NTRK3: variants seen among roughly 807,000 people sequenced by gnomAD.
NTRK3 encodes the protein neurotrophic receptor tyrosine kinase 3, also known as NT-3 growth factor receptor.
NTRK3 carries 24 observed loss-of-function variants against 91.7 expected under a neutral mutation model. The observed-to-expected ratio is 0.26, with a 90% CI of 0.19 to 0.37. NTRK3 has a LOEUF of 0.37. Among genes scored for constraint, NTRK3 ranks in the 10% least tolerant of loss-of-function variants. NTRK3 has a pLI of 1.00. For missense variants in NTRK3, 880 were observed against 1,068.9 expected, an observed-to-expected ratio of 0.82 and a Z score of 2.46; for synonymous variants, 483 against 404.0, an observed-to-expected ratio of 1.20 and a Z score of -2.34.
chr15:87,878,814 G>A (rs1041593035), intron 18 of NTRK3, among the ~76,000 whole-genome samples: 1 of 152,108 alleles, frequency 6.6e-6, no homozygotes, highest in African/African-American at 2.4e-5. Flanking sequence ...CAGATGCTGA[G>A]TCTTCTGTTA....
At chr15:87,906,715 G>A (rs1379313538) in intron 17 of NTRK3, among the ~76,000 whole-genome samples, 1 of 152,004 alleles carries the variant, frequency 6.6e-6, no homozygotes, top group African/African-American at 2.4e-5. Context: ...TAAGCAATGC[G>A]ATTGCTTTGA....
intron 13 of NTRK3, among the ~76,000 whole-genome samples, chr15:88,116,424 A>G (rs2052076079): frequency 6.9e-6 from 1 of 145,212 alleles, no homozygotes; most frequent in Non-Finnish European, 1.5e-5. Context: ...GTATCTACTA[A>G]AAGTACAAAA....
intron 16 of NTRK3, among the ~76,000 whole-genome samples, chr15:87,930,669 C>T (rs113925011): frequency 1.6e-4 from 25 of 152,216 alleles, no homozygotes; most frequent in East Asian, 7.7e-4. Flanking sequence ...TGAGAACAGC[C>T]GACAGGATGC....
chr15:88,005,296 G>A lies in NTRK3; in HGVS notation c.1585+27561C>T, dbSNP rs143183820. Among the ~76,000 whole-genome samples the A allele has an allele frequency of 2.6e-5, 4 of 152,252 alleles. No individual in the cohort carries two copies. The East Asian group carries it at 7.7e-4, about 29-fold the overall frequency. On this transcript the variant is annotated intron_variant, in intron 14 of 18. Coordinates refer to ENST00000394480, the Ensembl canonical transcript of NTRK3. The stretch of plus-strand genomic sequence containing the variant: ...GACCCCCAGTTCATTCAGGACTTCT[G>A]ATGGCCCCAGAGAAGTCCATGGAGT...
At chr15:87,921,719 G>T (rs1463845414) in intron 17 of NTRK3, among the ~76,000 whole-genome samples, 1 of 152,044 alleles carries the variant, frequency 6.6e-6, no homozygotes, top group Non-Finnish European at 1.5e-5. Context: ...TGCGCATGGG[G>T]CCACAACCCC....
At chr15:88,183,831 G>A (rs1348074851) in intron 4 of NTRK3, among the ~76,000 whole-genome samples, 3 of 152,128 alleles carry the variant, frequency 2.0e-5, no homozygotes, top group Non-Finnish European at 1.5e-5. Flanking sequence ...CCCACTCCAG[G>A]TCCCCACAGT....
chr15:87,910,525 C>A (rs755311218), intron 17 of NTRK3, among the ~76,000 whole-genome samples: 1 of 152,182 alleles, frequency 6.6e-6, no homozygotes, highest in African/African-American at 2.4e-5. Flanking sequence ...CCAGTGAACT[C>A]TCCAGGGGAG....
rs201471039 is a variant in NTRK3, at chr15:87,979,342, T to C, written c.1586-38589A>G. 312 of 1,601,568 alleles carry C rather than the reference T, an allele frequency of 1.9e-4. 1 individual carries two copies. Among genetic ancestry groups the C allele is most frequent in the Non-Finnish European group, 2.6e-4 (302 of 1,170,682 alleles). On this transcript the variant is annotated intron_variant, in intron 14 of 18. Transcript: ENST00000394480. ...TCAAAACAAGGAGGCTTAAAAGGAG[T>C]TTTTAAAAGCCATGACGTCCTTTGC...
intron 5 of NTRK3, among the ~76,000 whole-genome samples, chr15:88,166,609 T>C (rs1000156688): frequency 6.6e-6 from 1 of 152,142 alleles, no homozygotes; most frequent in Non-Finnish European, 1.5e-5. Context: ...TAAGCAAAAA[T>C]GGTAGTATCA....
At chr15:88,223,704 C>T (rs753467635) in intron 3 of NTRK3, among the ~76,000 whole-genome samples, 7 of 152,274 alleles carry the variant, frequency 4.6e-5, no homozygotes, top group African/African-American at 1.7e-4. Context: ...ATAATAATAC[C>T]GTCTACCTCC....
chr15:88,167,436 G>C (rs1567567842), intron 5 of NTRK3, among the ~76,000 whole-genome samples: 1 of 152,142 alleles, frequency 6.6e-6, no homozygotes, highest in Non-Finnish European at 1.5e-5. Flanking sequence ...CTGAGACCTG[G>C]GTCCCGGCTC....
At chr15:87,929,150 A>G (rs2141907610) in intron 17 of NTRK3, 41 bp downstream of exon 17, 1 of 1,614,088 alleles carries the variant, frequency 6.2e-7, no homozygotes, top group South Asian at 1.1e-5. Context: ...GCAAGGCGCT[A>G]GCTCTGTGGC....
chr15:88,048,777 G>T (rs952343736), intron 13 of NTRK3, among the ~76,000 whole-genome samples: 2 of 152,170 alleles, frequency 1.3e-5, no homozygotes, highest in South Asian at 4.1e-4. Context: ...TCTTGTAAAA[G>T]TCAAACCATC....
rs558469039 is a variant in NTRK3 at position 88,220,011 on chromosome 15, G to T, written c.249-35712C>A. On this transcript the variant is annotated intron_variant, in intron 3 of 18. Transcript: ENST00000394480. ...CAAAGATGCAGCTATCGACTGCCAG[G>T]AGAGAGAGCTTCAAATGCCCAGAGA... 2.1e-3 allele frequency among the ~76,000 whole-genome samples: 313 copies of T among 152,274 alleles called. 2 individuals are homozygous for T. Among genetic ancestry groups the T allele is most frequent in the Non-Finnish European group, 3.6e-3 (248 of 68,028 alleles).
At chr15:87,984,037 C>T (rs1354602369) in intron 14 of NTRK3, among the ~76,000 whole-genome samples, 1 of 152,078 alleles carries the variant, frequency 6.6e-6, no homozygotes, top group Non-Finnish European at 1.5e-5. Context: ...GGTCACGGAC[C>T]CCTTCATTTT....
chr15:88,005,218 TAA>T (rs1235650979), intron 14 of NTRK3, among the ~76,000 whole-genome samples: 1 of 152,176 alleles, frequency 6.6e-6, no homozygotes, highest in Admixed American at 6.5e-5. Flanking sequence ...CAGAGAAGCC[TAA>T]GTACAGGCTG....
At chr15:88,127,893 A>G (rs2053458001) in intron 11 of NTRK3, among the ~76,000 whole-genome samples, 2 of 152,160 alleles carry the variant, frequency 1.3e-5, no homozygotes, top group African/African-American at 4.8e-5. Context: ...TCCACCATCT[A>G]GAATCACCTC....
chr15:88,057,687 C>T (rs1342613240), intron 13 of NTRK3, among the ~76,000 whole-genome samples: 9 of 152,184 alleles, frequency 5.9e-5, no homozygotes, highest in Non-Finnish European at 7.4e-5. Context: ...CCTTCCAGTG[C>T]CCTGCTCTGC....
At chr15:88,053,384 T>C (rs554187679) in intron 13 of NTRK3, among the ~76,000 whole-genome samples, 2 of 152,296 alleles carry the variant, frequency 1.3e-5, no homozygotes, top group South Asian at 4.1e-4. Context: ...TTGGCTACAG[T>C]GGACTTAAGA....
Sources: gnomAD v4.1 joint callset for allele counts (sites outside exome capture counted in the v4.1 genomes callset) on GRCh38, gnomAD v4.1.1 for gene constraint, MANE v1.5 for transcripts, NCBI Gene and HGNC (gene_info 2026-07-23, HGNC 2026-07-21) for gene names.